Variants in CP observed in about 807,000 individuals in gnomAD.
CP encodes caeruloplasmin.
Under a neutral mutation model 122.4 loss-of-function variants are expected in CP, and 64 were observed. The observed-to-expected ratio is 0.52, with a 90% CI of 0.43 to 0.64. The LOEUF (loss-of-function observed/expected upper bound fraction) is 0.64, where lower values mean the gene tolerates loss of function less well. CP is among the 30% of genes least tolerant of loss of function. The pLI is 0.00. For missense variants in CP, 1,167 were observed against 1,284.4 expected, an observed-to-expected ratio of 0.91 and a Z score of 1.40; for synonymous variants, 440 against 436.4, an observed-to-expected ratio of 1.01 and a Z score of -0.10.
intron 5 of CP, among the ~76,000 whole-genome samples, chr3:149,206,754 T>G (rs1308808500): frequency 1.3e-5 from 2 of 152,166 alleles, no homozygotes; most frequent in Admixed American, 6.6e-5. Flanking sequence ...ATTGCTGTCT[T>G]GTACAAGATG....
rs759667428 is a variant in CP, at chr3:149,206,328, C to T, written c.1048G>A (p.Ala350Thr). 5 of 1,613,864 alleles carry T rather than the reference C, an allele frequency of 3.1e-6. No individual in the cohort carries two copies. Among genetic ancestry groups the T allele is most frequent in the Non-Finnish European group, 4.2e-6 (5 of 1,179,782 alleles). Residue 350 changes from alanine to threonine, a missense_variant, in exon 6 of 19, where the codon GCC (alanine) becomes ACC (threonine). Transcript: ENST00000264613. ...TTACACTCCTGGACCTGGAAAAAGG[C>T]TTGCAAACCGGCTGAAATGAAACAG... ...NLNHLKAGLQ[A>T]FFQVQECNKS...
chr3:149,190,461 C>G (rs1002371161), intron 9 of CP, among the ~76,000 whole-genome samples: 1 of 152,110 alleles, frequency 6.6e-6, no homozygotes, highest in African/African-American at 2.4e-5. Context: ...AGGTTGCAAC[C>G]AGCCTGGCCA....
chr3:149,187,090 G>A (rs906927334), intron 10 of CP, among the ~76,000 whole-genome samples: 4 of 151,942 alleles, frequency 2.6e-5, no homozygotes, highest in African/African-American at 9.7e-5. Context: ...CTTTTCCTGT[G>A]CACCATATAC....
intron 9 of CP, among the ~76,000 whole-genome samples, chr3:149,195,512 G>C (rs1381084180): frequency 6.6e-6 from 1 of 152,146 alleles, no homozygotes; most frequent in Non-Finnish European, 1.5e-5. Flanking sequence ...AAAGAAATGA[G>C]GAATGAGCAA....
At chr3:149,168,219 A>T, downstream of CP, 1 of 472,426 alleles carries the variant, frequency 2.1e-6, no homozygotes, top group South Asian at 2.4e-5. Flanking sequence ...TTAACAAATT[A>T]TCACAGTCAT....
At chr3:149,205,466 C>A (rs943110533) in intron 6 of CP, among the ~76,000 whole-genome samples, 2 of 151,434 alleles carry the variant, frequency 1.3e-5, no homozygotes, top group Non-Finnish European at 2.9e-5. Context: ...ACATTAGTCA[C>A]AATAGCCAAA....
chr3:149,216,355 A>G (rs1728456485), intron 1 of CP, among the ~76,000 whole-genome samples: 1 of 152,208 alleles, frequency 6.6e-6, no homozygotes, highest in African/African-American at 2.4e-5. Context: ...GTGGGGTCAT[A>G]GAATTAAAAT....
chr3:149,213,086 A>G (rs898850177), intron 1 of CP, among the ~76,000 whole-genome samples: 7 of 152,196 alleles, frequency 4.6e-5, no homozygotes, highest in African/African-American at 1.4e-4. Flanking sequence ...TACCTCTCTT[A>G]GCTACTGGAA....
chr3:149,176,876 G>A (rs1428977224), intron 17 of CP, among the ~76,000 whole-genome samples: 1 of 152,132 alleles, frequency 6.6e-6, no homozygotes, highest in African/African-American at 2.4e-5. Flanking sequence ...AGGGAGTCTC[G>A]GCTGGAAACA....
rs1559950263 is a variant in CP at position 149,199,620 on chromosome 3, T to C, written c.1501+92A>G. On this transcript the variant is annotated intron_variant, in intron 8 of 18. Transcript: ENST00000264613. ...GATATATGAGCGGTTTCCTTGGGAG[T>C]TCCTGCCTTCAGTTTTTGCAGCATA... 2.7e-6 allele frequency: 4 copies of C among 1,479,110 alleles called. No homozygotes were observed. The South Asian group carries it at 3.4e-5, about 13-fold the overall frequency. The allele number at this position is 1,479,110 out of a possible 1,614,324, so 91.6% of individuals were successfully genotyped here. A position where few individuals can be genotyped will look rare whatever the true frequency, so the allele number is the denominator to read the frequency against.
intron 18 of CP, among the ~76,000 whole-genome samples, chr3:149,174,362 A>G (rs1725270858): frequency 6.6e-6 from 1 of 152,184 alleles, no homozygotes; most frequent in African/African-American, 2.4e-5. Flanking sequence ...GTCATGTACA[A>G]GAATATTCTT....
intron 3 of CP, 68 bp downstream of exon 3, chr3:149,210,099 T>C: frequency 6.6e-7 from 1 of 1,512,966 alleles, no homozygotes; most frequent in Non-Finnish European, 9.2e-7. Flanking sequence ...TTGATTTCTT[T>C]TTAAAAGACA....
chr3:149,176,513 A>G, intron 17 of CP, 101 bp from the exon 18 acceptor site: 1 of 983,984 alleles, frequency 1.0e-6, no homozygotes, highest in East Asian at 2.5e-5. Flanking sequence ...AAATGGATAA[A>G]TCTGTTTTTA....
chr3:149,186,405 C>A, intron 11 of CP, 115 bp downstream of exon 11: 1 of 950,994 alleles, frequency 1.1e-6, no homozygotes, highest in Non-Finnish European at 1.7e-6. Context: ...ATAGGAAGGG[C>A]ACTTCAGAGG....
rs1576779610 is a variant in CP at position 149,210,456 on chromosome 3, C to G, written c.395-77G>C. ...TGAGAGAATAGATAGTCCATTAATT[C>G]ATTCAGCAAACATTTATTAAACATC... On this transcript the variant is annotated intron_variant, in intron 2 of 18. Coordinates refer to ENST00000264613, the MANE Select transcript of CP (RefSeq NM_000096.4). 9 of 1,236,812 alleles carry G rather than the reference C, an allele frequency of 7.3e-6. No homozygotes were observed. In the East Asian group the frequency reaches 9.4e-5, roughly 13 times the overall value. 76.6% of individuals were successfully genotyped at this position (1,236,812 alleles called of 1,614,324 possible).
Position 149,210,398 on chromosome 3 carries a change from T to C in CP, c.395-19A>G. 6.2e-7 allele frequency: 1 copy of C among 1,605,310 alleles called. No homozygotes were observed. The highest frequency in any genetic ancestry group is 8.5e-7 in the Non-Finnish European group (1 of 1,172,086). The stretch of plus-strand genomic sequence containing the variant: ...ATGGCCCCTAGGAAGCAACATGCAA[T>C]GAAGGTGCAAAGTGAATGTGTTTGA... On this transcript the variant is annotated intron_variant, in intron 2 of 18. Transcript: ENST00000264613.
intron 13 of CP, among the ~76,000 whole-genome samples, chr3:149,183,084 C>T (rs1725891309): frequency 6.6e-6 from 1 of 152,010 alleles, no homozygotes; most frequent in South Asian, 2.1e-4. Context: ...ACAGGAGCGG[C>T]AGGTTGCAGT....
chr3:149,207,273 G>T (rs536239490), intron 5 of CP, 90 bp downstream of exon 5: 2 of 1,523,088 alleles, frequency 1.3e-6, no homozygotes, highest in South Asian at 1.1e-5. Flanking sequence ...TCAAAGCTCA[G>T]ATTATTTCAA....
chr3:149,210,142 C>T, intron 3 of CP, 25 bp downstream of exon 3: 1 of 1,608,064 alleles, frequency 6.2e-7, no homozygotes, highest in Non-Finnish European at 8.5e-7. Flanking sequence ...GGTCATATAG[C>T]ATGTGCAATA....
Sources: allele counts gnomAD v4.1 joint callset (sites outside exome capture counted in the v4.1 genomes callset), GRCh38; gene constraint gnomAD v4.1.1; transcripts MANE v1.5; gene names NCBI Gene and HGNC (gene_info 2026-07-23, HGNC 2026-07-21).